Variants in ZFYVE16 observed in about 807,000 individuals in gnomAD.
ZFYVE16 encodes zinc finger FYVE domain-containing protein 16.
A neutral mutation model predicts 138.1 loss-of-function variants in ZFYVE16; 89 were observed. That is an observed-to-expected ratio of 0.64 (90% CI 0.54 to 0.77). ZFYVE16 has a LOEUF of 0.77. Among genes scored for constraint, ZFYVE16 ranks in the 30% least tolerant of loss-of-function variants. The probability of loss-of-function intolerance (pLI) is 0.00; values close to 1 mark genes in which losing one functional copy is unlikely to be tolerated. For synonymous variants in ZFYVE16, 596 were observed against 618.3 expected (o/e 0.96, Z 0.53); for missense variants, 1,793 against 1,786.7 (o/e 1.00, Z -0.06).
chr5:80,424,041 G>C (rs575081662), intron 1 of ZFYVE16, among the ~76,000 whole-genome samples: 1 of 151,514 alleles, frequency 6.6e-6, no homozygotes, highest in East Asian at 2.0e-4. Context: ...CACCTCCCAG[G>C]TTCAAGTGAT....
chr5:80,474,536 C>A, intron 17 of ZFYVE16, 127 bp from the exon 18 acceptor site: 1 of 958,600 alleles, frequency 1.0e-6, no homozygotes, highest in Non-Finnish European at 1.5e-6. Context: ...GCTATCGATA[C>A]AGAATTCTCA....
intron 6 of ZFYVE16, among the ~76,000 whole-genome samples, chr5:80,445,017 A>G (rs1435499698): frequency 6.6e-6 from 1 of 152,038 alleles, no homozygotes. Context: ...TCTCCTGTCC[A>G]TTCCTTTTCA....
In ZFYVE16 at chr5:80,445,440, C is replaced by T. The variant is rs775876068; in HGVS notation, c.2724+35C>T. The T allele has an allele frequency of 3.2e-6, 5 of 1,558,654 alleles. No individual in the cohort carries two copies. In the African/African-American group the frequency reaches 5.5e-5, roughly 17 times the overall value. ...TCAAAGAATAACTTAATTGACTAAACAAAATTTTATTTCGTAGATAATTCC... is the reference window on the plus strand; with the variant it reads ...TCAAAGAATAACTTAATTGACTAAATAAAATTTTATTTCGTAGATAATTCC... On this transcript the variant is annotated intron_variant, in intron 7 of 18. Transcript: ENST00000505560.
At chr5:80,424,120 A>G (rs964814606) in intron 1 of ZFYVE16, among the ~76,000 whole-genome samples, 7 of 150,800 alleles carry the variant, frequency 4.6e-5, no homozygotes, top group African/African-American at 1.5e-4. Context: ...TAATTTTTGT[A>G]TTTTTTAGTA....
intron 1 of ZFYVE16, among the ~76,000 whole-genome samples, chr5:80,411,124 C>T (rs189933784): frequency 1.2e-4 from 17 of 142,730 alleles, no homozygotes; most frequent in Admixed American, 8.9e-4. Flanking sequence ...CGTGCCACCA[C>T]GCCCAGCTAA....
chr5:80,465,734 C>T (rs1405567001), intron 15 of ZFYVE16, among the ~76,000 whole-genome samples: 1 of 151,592 alleles, frequency 6.6e-6, no homozygotes, highest in East Asian at 1.9e-4. Context: ...ATTAAGAAGT[C>T]AGCAGTTAAT....
chr5:80,470,101 A>ATTTTTT lies in ZFYVE16; in HGVS notation c.4025-2647_4025-2642dup, dbSNP rs1185797719. ...TGTGTGTGTGTGTGTGTGTGTGTGT[A>ATTTTTT]TTTTTTTTTTTTTTTTTTGAGACAG... On this transcript the variant is annotated intron_variant, in intron 15 of 18. Transcript: ENST00000505560. Among the ~76,000 whole-genome samples, 8 of 108,560 alleles carry ATTTTTT rather than the reference A, an allele frequency of 7.4e-5. 2 individuals are homozygous for ATTTTTT. The highest frequency in any genetic ancestry group is 1.0e-4 in the Admixed American group (1 of 9,734). The allele number at this position is 108,560 out of a possible 152,430, so 71.2% of individuals were successfully genotyped here.
At chr5:80,442,994 T>A (rs1374779896) in intron 5 of ZFYVE16, 129 bp from the exon 6 acceptor site, 216 of 934,462 alleles carry the variant, frequency 2.3e-4, no homozygotes, top group Non-Finnish European at 9.2e-6. Flanking sequence ...AAGTGCTACT[T>A]CTTTTTCTTG....
intron 1 of ZFYVE16, among the ~76,000 whole-genome samples, chr5:80,421,625 G>C (rs1207900495): frequency 1.3e-5 from 2 of 152,170 alleles, no homozygotes; most frequent in African/African-American, 2.4e-5. Flanking sequence ...TATTATTTCT[G>C]AGGGCTCTGT....
At chr5:80,428,748 G>A (rs1748529878) in intron 2 of ZFYVE16, among the ~76,000 whole-genome samples, 1 of 152,194 alleles carries the variant, frequency 6.6e-6, no homozygotes, top group African/African-American at 2.4e-5. Context: ...AACCCATGTA[G>A]AGAAGTCCTT....
intron 6 of ZFYVE16, among the ~76,000 whole-genome samples, chr5:80,444,549 T>C (rs986158681): frequency 1.4e-4 from 22 of 151,776 alleles, no homozygotes; most frequent in African/African-American, 5.3e-4. Context: ...TATGCTGATA[T>C]CTAGTTATTT....
intron 1 of ZFYVE16, among the ~76,000 whole-genome samples, chr5:80,423,838 G>A (rs571511522): frequency 2.6e-5 from 4 of 152,118 alleles, no homozygotes; most frequent in African/African-American, 9.6e-5. Flanking sequence ...GCGCCTGGCC[G>A]ATTTCTGCTC....
chr5:80,416,863 C>T lies in ZFYVE16; in HGVS notation c.-94+8710C>T, dbSNP rs148095333. 6.2e-3 allele frequency among the ~76,000 whole-genome samples: 950 copies of T among 152,216 alleles called. 10 individuals are homozygous for T. Among genetic ancestry groups the T allele is most frequent in the African/African-American group, 0.021 (878 of 41,528 alleles). On this transcript the variant is annotated intron_variant, in intron 1 of 18. Transcript: ENST00000505560. ...TATGTTCGTTGCCCCTGGGATGTTA[C>T]TGCTTCTAGGCCCTCTAAGCTGACA... is the stretch of plus-strand genomic sequence containing the variant.
chr5:80,424,448 G>A (rs186230338), intron 1 of ZFYVE16, among the ~76,000 whole-genome samples: 2 of 142,082 alleles, frequency 1.4e-5, no homozygotes, highest in East Asian at 4.3e-4. Flanking sequence ...CTCCTGCATT[G>A]TGTCTTCCTC....
At chr5:80,428,442 A>G (rs986773288) in intron 2 of ZFYVE16, among the ~76,000 whole-genome samples, 5 of 152,220 alleles carry the variant, frequency 3.3e-5, no homozygotes, top group Non-Finnish European at 4.4e-5. Flanking sequence ...CATCCACACC[A>G]AAACCCCATC....
chr5:80,459,654 C>T (rs1461366585), intron 15 of ZFYVE16, among the ~76,000 whole-genome samples, 160 bp downstream of exon 15: 3 of 152,130 alleles, frequency 2.0e-5, no homozygotes, highest in Non-Finnish European at 4.4e-5. Context: ...GAAGACTTAT[C>T]TCTCTCTTCT....
chr5:80,456,377 GAGA>G lies in ZFYVE16; in HGVS notation c.3691-81_3691-79del. 4 of 1,059,854 alleles carry G rather than the reference GAGA, an allele frequency of 3.8e-6. No homozygotes were observed. The South Asian group carries it at 5.9e-5, about 16-fold the overall frequency. 65.7% of individuals were successfully genotyped at this position (1,059,854 alleles called of 1,614,324 possible). ...AATGATATTCTTTATTACTGCTGTG[GAGA>G]AGGATTTCTTAAAGAAGGATTTAAT... On this transcript the variant is annotated intron_variant, in intron 12 of 18. Transcript: ENST00000505560.
At position 80,481,783 on chromosome 5, in the gene ZFYVE16, A is replaced by G. The variant is rs1308558278; in HGVS notation, c.*4406A>G. Among the ~76,000 whole-genome samples, 1 of 152,166 alleles carries G rather than the reference A, an allele frequency of 6.6e-6. No individual in the cohort carries two copies. The highest frequency in any genetic ancestry group is 1.5e-5 in the Non-Finnish European group (1 of 68,016). ...CAAGAGCCAACTCTAAGGTTACCCA[A>G]ATGTCAGAATTATCAGAAAAAGACT... On this transcript the variant is annotated 3_prime_UTR_variant, in exon 19 of 19. Transcript: ENST00000505560.
intron 1 of ZFYVE16, among the ~76,000 whole-genome samples, chr5:80,418,348 T>TG (rs1397429910): frequency 2.3e-5 from 3 of 132,366 alleles, no homozygotes; most frequent in African/African-American, 8.4e-5. Flanking sequence ...GGTCTGACTC[T>TG]GTTGCCTAGG....
Sources: allele counts gnomAD v4.1 joint callset (sites outside exome capture counted in the v4.1 genomes callset), GRCh38; gene constraint gnomAD v4.1.1; transcripts MANE v1.5; gene names NCBI Gene and HGNC (gene_info 2026-07-23, HGNC 2026-07-21).